Variants in PLOD1 observed in about 807,000 individuals in gnomAD.
PLOD1 encodes the protein procollagen-lysine,2-oxoglutarate 5-dioxygenase 1.
In PLOD1, 70 loss-of-function variants were observed where a neutral mutation model predicts 94.7. That is an observed-to-expected ratio of 0.74 (90% CI 0.61 to 0.90). PLOD1 has a LOEUF of 0.90. Among genes scored for constraint, PLOD1 ranks in the 40% least tolerant of loss-of-function variants. The pLI, the probability that PLOD1 is intolerant of heterozygous loss-of-function variation, is 0.00. For synonymous variants in PLOD1, 417 were observed against 400.2 expected, an observed-to-expected ratio of 1.04 and a Z score of -0.50; for missense variants, 905 against 972.7, an observed-to-expected ratio of 0.93 and a Z score of 0.93.
At position 11,952,719 on chromosome 1, in the gene PLOD1, TGGACCC is replaced by T. The variant is rs775053632; in HGVS notation, c.567_572del (p.Asp189_Pro190del). On this transcript the variant is annotated inframe_deletion, in exon 5 of 19. Transcript: ENST00000196061. Reference sequence around the variant, plus strand: ...CAGCTGTTTTACACCAAGATCTTCTTGGACCCGGAGAAGAGGGTAAGAGGCAGTGGG... The same window carrying T: ...CAGCTGTTTTACACCAAGATCTTCTTGGAGAAGAGGGTAAGAGGCAGTGGG... 64 of 1,612,878 alleles carry T rather than the reference TGGACCC, an allele frequency of 4.0e-5. No individual in the cohort carries two copies. The highest frequency in any genetic ancestry group is 1.7e-4 in the Middle Eastern group (1 of 6,058).
chr1:11,967,124 G>T (rs769109256), intron 16 of PLOD1, 33 bp downstream of exon 16: 1 of 1,388,816 alleles, frequency 7.2e-7, no homozygotes, highest in Non-Finnish European at 1.0e-6. Context: ...GGGGCCGCAG[G>T]GAGGCTGCCT....
intron 14 of PLOD1, 100 bp downstream of exon 14, chr1:11,965,693 C>T: frequency 1.3e-6 from 1 of 744,852 alleles, no homozygotes; most frequent in Non-Finnish European, 2.4e-6. Flanking sequence ...AGCCAGGACC[C>T]CTGTAGGCCA....
At chr1:11,964,036 G>A (rs920300740) in intron 11 of PLOD1, 139 bp from the exon 12 acceptor site, 22 of 910,160 alleles carry the variant, frequency 2.4e-5, no homozygotes, top group Non-Finnish European at 4.0e-5. Context: ...CCCCGGCCAA[G>A]GCACTGCCTG....
At chr1:11,973,116 GA>G in intron 18 of PLOD1, 119 bp downstream of exon 18, 39 of 1,043,750 alleles carry the variant, frequency 3.7e-5, no homozygotes, top group Non-Finnish European at 4.4e-5. Flanking sequence ...CAGAGAACCA[GA>G]AAAAAAAGGA....
intron 4 of PLOD1, 148 bp downstream of exon 4, chr1:11,950,668 C>A: frequency 1.5e-6 from 1 of 674,494 alleles, no homozygotes; most frequent in Non-Finnish European, 2.6e-6. Flanking sequence ...CTTTTCAACC[C>A]CAAATGTGCT....
intron 13 of PLOD1, 59 bp from the exon 14 acceptor site, chr1:11,965,421 G>T (rs549496445): frequency 1.0e-5 from 10 of 978,252 alleles, no homozygotes; most frequent in Non-Finnish European, 1.5e-5. Context: ...GTGCAGGGGA[G>T]GGGTGAGGGC....
At chr1:11,954,608 C>T in intron 5 of PLOD1, 1 of 765,382 alleles carries the variant, frequency 1.3e-6, no homozygotes, top group South Asian at 1.4e-5. Flanking sequence ...CCTTCCAGTT[C>T]AGAGTCCCTG....
rs573657928 is a variant in PLOD1 at position 11,956,590 on chromosome 1, C to T, written c.644-327C>T. On this transcript the variant is annotated intron_variant, in intron 6 of 18. Transcript: ENST00000196061. The stretch of plus-strand genomic sequence containing the variant: ...TGGGGCTTCTCTGAGGTGCCTGGAG[C>T]TGGGATGTTCCAGGTCTTCGTTCTT... Among the ~76,000 whole-genome samples, 5 of 152,200 alleles carry T rather than the reference C, an allele frequency of 3.3e-5. No individual in the cohort carries two copies. The East Asian group carries it at 9.7e-4, about 29-fold the overall frequency.
rs1336633533 is a variant in PLOD1 at position 11,948,081 on chromosome 1, T to C, written c.168+14T>C. ...TACAAGATCCAGGTAAGGGGTTTCC[T>C]GGGTGAGGCAGAGACAGTGAGGGGT... On this transcript the variant is annotated intron_variant, in intron 2 of 18. Transcript: ENST00000196061. 1.3e-6 allele frequency: 2 copies of C among 1,580,124 alleles called. No individual in the cohort carries two copies. Among genetic ancestry groups the C allele is most frequent in the African/African-American group, 2.7e-5 (2 of 74,186 alleles).
intron 2 of PLOD1, 109 bp downstream of exon 2, chr1:11,948,176 G>A (rs1645670641): frequency 1.2e-6 from 1 of 814,058 alleles, no homozygotes; most frequent in Admixed American, 1.8e-5. Flanking sequence ...TGGGGCCACA[G>A]GGGAGGCTTC....
At chr1:11,964,037 G>C in intron 11 of PLOD1, 138 bp from the exon 12 acceptor site, 1 of 914,030 alleles carries the variant, frequency 1.1e-6, no homozygotes, top group Non-Finnish European at 1.8e-6. Context: ...CCCGGCCAAG[G>C]CACTGCCTGT....
At chr1:11,950,030 T>C in intron 3 of PLOD1, 124 bp downstream of exon 3, 3 of 1,027,470 alleles carry the variant, frequency 2.9e-6, no homozygotes, top group African/African-American at 1.6e-5. Flanking sequence ...TGCCTAGTTT[T>C]AGGGTGTCCA....
chr1:11,958,786 C>G lies in PLOD1; in HGVS notation c.975+139C>G. 1 of 984,872 alleles carries G rather than the reference C, an allele frequency of 1.0e-6. No homozygotes were observed. The highest frequency in any genetic ancestry group is 2.0e-5 in the Admixed American group (1 of 50,272). The allele number at this position is 984,872 out of a possible 1,614,324, so 61.0% of individuals were successfully genotyped here. On this transcript the variant is annotated intron_variant, in intron 9 of 18. Coordinates refer to ENST00000196061, the MANE Select transcript of PLOD1 (RefSeq NM_000302.4). This position sits in a 1 kb window ranked among gnomAD's most constrained non-coding sequence, Gnocchi z 4.3. ...TGACAATCACCAGTGGACTGTGTCC[C>G]CAAATCACTGAGTTAACTTTGGAGT...
chr1:11,943,022 T>C (rs1383693931), intron 1 of PLOD1, among the ~76,000 whole-genome samples: 1 of 152,210 alleles, frequency 6.6e-6, no homozygotes, highest in Non-Finnish European at 1.5e-5. Flanking sequence ...AGACTTGCTC[T>C]GTCACCCAGG....
At chr1:11,974,583 A>C in intron 18 of PLOD1, 70 bp from the exon 19 acceptor site, 1 of 1,465,020 alleles carries the variant, frequency 6.8e-7, no homozygotes, top group Non-Finnish European at 9.5e-7. Context: ...CCATGACAGG[A>C]GATCATGACG....
In PLOD1 at chr1:11,964,287, C is replaced by T. The variant is rs1447746896; in HGVS notation, c.1315C>T (p.Gln439Ter). ...ARSEDYVDIVQGRRVGVWNVP... is the reference protein window; with the variant it reads ...ARSEDYVDIV ...TTCCGAGGACTACGTGGACATTGTG[C>T]AGGGGCGGCGTGTGTGAGTACCTGC... Residue 439 changes from glutamine to a stop codon, truncating the protein, a stop_gained, in exon 12 of 19, where the codon CAG (glutamine) becomes TAG (stop). Coordinates refer to ENST00000196061, the MANE Select transcript of PLOD1 (RefSeq NM_000302.4). LOFTEE classifies it high-confidence loss of function. 1 of 1,166,168 alleles carries T rather than the reference C, an allele frequency of 8.6e-7. No individual in the cohort carries two copies. The highest frequency in any genetic ancestry group is 1.2e-6 in the Non-Finnish European group (1 of 853,354). 72.2% of individuals were successfully genotyped at this position (1,166,168 alleles called of 1,614,324 possible). A position where few individuals can be genotyped will look rare whatever the true frequency, so the allele number is the denominator to read the frequency against.
Position 11,975,252 on chromosome 1 carries a change from T to C in PLOD1, c.*444T>C, listed in dbSNP as rs1645896114. 3.6e-6 allele frequency: 1 copy of C among 276,952 alleles called. No homozygotes were observed. Among genetic ancestry groups the C allele is most frequent in the South Asian group, 3.8e-5 (1 of 26,112 alleles). The allele number at this position is 276,952 out of a possible 1,614,324, so 17.2% of individuals were successfully genotyped here. On this transcript the variant is annotated 3_prime_UTR_variant, in exon 19 of 19. Transcript: ENST00000196061. ...CACCAGGGACTTCTGCTTCAAGTTTTGGGGTAAAGACACCTGGATCAGACT... is the reference window on the plus strand; with the variant it reads ...CACCAGGGACTTCTGCTTCAAGTTTCGGGGTAAAGACACCTGGATCAGACT...
At position 11,949,767 on chromosome 1, in the gene PLOD1, C is replaced by T. The variant is rs766073845; in HGVS notation, c.169-6C>T. On this transcript the variant is annotated splice_region_variant and splice_polypyrimidine_tract_variant and intron_variant, in intron 2 of 18. Coordinates refer to ENST00000196061, the MANE Select transcript of PLOD1 (RefSeq NM_000302.4). The stretch of plus-strand genomic sequence containing the variant: ...AAAGCCCGTGTTAAGGGGTGTTTCT[C>T]TCCAGGCGCTTGGCCTAGGGGAGGA... The T allele has an allele frequency of 1.5e-5, 25 of 1,613,946 alleles. No homozygotes were observed. In the South Asian group the frequency reaches 2.6e-4, roughly 17 times the overall value.
Position 11,942,711 on chromosome 1 carries a change from C to T in PLOD1, c.77-5265C>T, listed in dbSNP as rs114723961. On this transcript the variant is annotated intron_variant, in intron 1 of 18. Transcript: ENST00000196061. Reference sequence around the variant, plus strand: ...CCCCTGCATTGCAGCCCAGTGTCAGCGGACCAAGGGGATGGATTGGACCAG... The same window carrying T: ...CCCCTGCATTGCAGCCCAGTGTCAGTGGACCAAGGGGATGGATTGGACCAG... 5.5e-3 allele frequency among the ~76,000 whole-genome samples: 831 copies of T among 152,266 alleles called. 7 individuals are homozygous for T. Among genetic ancestry groups the T allele is most frequent in the African/African-American group, 0.019 (786 of 41,542 alleles).
Sources: allele counts gnomAD v4.1 joint callset (sites outside exome capture counted in the v4.1 genomes callset), GRCh38; gene constraint gnomAD v4.1.1; non-coding constraint Gnocchi (gnomAD v3.1); transcripts MANE v1.5; gene names NCBI Gene and HGNC (gene_info 2026-07-23, HGNC 2026-07-21).